Variants in KCNN2 observed in about 807,000 individuals in gnomAD.
KCNN2 encodes the protein small conductance calcium-activated potassium channel protein 2.
In KCNN2, 24 loss-of-function variants were observed where a neutral mutation model predicts 55.5. The observed-to-expected ratio is 0.43, with a 90% CI of 0.31 to 0.61. The LOEUF (loss-of-function observed/expected upper bound fraction) is 0.61. KCNN2 is among the 20% of genes least tolerant of loss of function. The pLI is 0.08. For synonymous variants in KCNN2, 431 were observed against 336.1 expected (o/e 1.28, Z -3.09); for missense variants, 754 against 853.6 (o/e 0.88, Z 1.45).
At chr5:114,261,389 C>T (rs1033539345) in intron 2 of KCNN2, among the ~76,000 whole-genome samples, 17 of 152,134 alleles carry the variant, frequency 1.1e-4, no homozygotes, top group African/African-American at 3.9e-4. Flanking sequence ...CTATTCCTAC[C>T]GCCTACTCAC....
chr5:114,363,917 T>C lies in KCNN2; in HGVS notation c.1134T>C (p.Tyr378=). 6.2e-7 allele frequency: 1 copy of C among 1,613,798 alleles called. No homozygotes were observed. Among genetic ancestry groups the C allele is most frequent in the Non-Finnish European group, 8.5e-7 (1 of 1,179,706 alleles). ...SWGAYDKASL[Y]SLALKCLISL... Reference sequence around the variant, plus strand: ...TGACTGTGTTGCAGGCGTCGCTGTATTCCTTAGCTCTGAAATGCCTTATCA... The same window carrying C: ...TGACTGTGTTGCAGGCGTCGCTGTACTCCTTAGCTCTGAAATGCCTTATCA... Residue 378 remains tyrosine, a synonymous_variant, in exon 2 of 8, where the codon TAT becomes TAC. Transcript: ENST00000673685.
intron 1 of KCNN2, among the ~76,000 whole-genome samples, chr5:114,092,501 T>A (rs1751165586): frequency 6.6e-6 from 1 of 152,164 alleles, no homozygotes; most frequent in Non-Finnish European, 1.5e-5. Flanking sequence ...ACAGTGGCCC[T>A]CTTCTTCTCA....
intron 2 of KCNN2, among the ~76,000 whole-genome samples, chr5:114,311,085 A>T (rs1165334880): frequency 6.6e-6 from 1 of 152,070 alleles, no homozygotes; most frequent in Admixed American, 6.6e-5. Context: ...AGATAAGCTT[A>T]TATTAACATG....
chr5:114,285,872 T>C (rs1378710054), intron 2 of KCNN2, among the ~76,000 whole-genome samples: 4 of 151,162 alleles, frequency 2.6e-5, no homozygotes, highest in African/African-American at 7.3e-5. Flanking sequence ...CAGACAGAAA[T>C]GGATCCAGAT....
intron 3 of KCNN2, among the ~76,000 whole-genome samples, chr5:114,418,194 T>A (rs1759364661): frequency 6.6e-6 from 1 of 152,216 alleles, no homozygotes; most frequent in African/African-American, 2.4e-5. Flanking sequence ...CATTTGCAAG[T>A]AATTAGGGTT....
At chr5:114,397,943 C>G (rs1758669352) in intron 2 of KCNN2, among the ~76,000 whole-genome samples, 1 of 152,086 alleles carries the variant, frequency 6.6e-6, no homozygotes, top group African/African-American at 2.4e-5. Context: ...TTGTCAGAGG[C>G]ATAGTTTGCA....
chr5:114,461,401 C>A (rs2150113528), intron 3 of KCNN2, among the ~76,000 whole-genome samples: 1 of 152,276 alleles, frequency 6.6e-6, no homozygotes, highest in African/African-American at 2.4e-5. Flanking sequence ...GCCACAGAAA[C>A]TTGCAGGATG....
intron 5 of KCNN2, 27 bp from the exon 6 acceptor site, chr5:114,487,023 C>A: frequency 3.7e-6 from 6 of 1,611,584 alleles, no homozygotes; most frequent in Non-Finnish European, 4.2e-6. Flanking sequence ...TGGAATTTAT[C>A]AACTGCTTTG....
intron 2 of KCNN2, among the ~76,000 whole-genome samples, chr5:114,284,067 C>G (rs1755683230): frequency 3.9e-5 from 6 of 152,152 alleles, no homozygotes; most frequent in African/African-American, 1.4e-4. Context: ...GACCTTGAAC[C>G]TCACACCTTT....
intron 1 of KCNN2, among the ~76,000 whole-genome samples, chr5:114,212,006 A>T (rs1369991458): frequency 6.6e-6 from 1 of 151,330 alleles, no homozygotes; most frequent in East Asian, 1.9e-4. Context: ...ATATTTTATT[A>T]TATGAGCATG....
At chr5:114,202,677 C>T (rs1270763204) in intron 1 of KCNN2, among the ~76,000 whole-genome samples, 2 of 150,150 alleles carry the variant, frequency 1.3e-5, no homozygotes, top group Non-Finnish European at 3.0e-5. Flanking sequence ...AGCTCCTCCT[C>T]CCGGGTTCAC....
intron 2 of KCNN2, among the ~76,000 whole-genome samples, chr5:114,287,173 A>G (rs79701828): frequency 0.049 from 7,429 of 152,270 alleles, 220 homozygotes; most frequent in South Asian, 0.068. Flanking sequence ...TGTTCCAACC[A>G]TTGTGGAAGA....
intron 1 of KCNN2, among the ~76,000 whole-genome samples, chr5:114,144,580 A>C (rs914501938): frequency 6.6e-6 from 1 of 152,124 alleles, no homozygotes; most frequent in Non-Finnish European, 1.5e-5. Context: ...CGGGGAGCCA[A>C]ATACCTTCTC....
intron 1 of KCNN2, among the ~76,000 whole-genome samples, chr5:114,130,117 G>A (rs888853439): frequency 1.3e-5 from 2 of 152,162 alleles, no homozygotes; most frequent in Non-Finnish European, 2.9e-5. Context: ...AGAATGCGAA[G>A]CACTTTCTTT....
chr5:114,429,781 T>C (rs943309321), intron 3 of KCNN2, among the ~76,000 whole-genome samples: 7 of 151,678 alleles, frequency 4.6e-5, no homozygotes, highest in African/African-American at 1.7e-4. Context: ...TGGGGGTTTT[T>C]TTGTGGGTAG....
intron 1 of KCNN2, among the ~76,000 whole-genome samples, chr5:114,061,874 A>G (rs767173065): frequency 1.3e-5 from 2 of 152,190 alleles, no homozygotes; most frequent in Non-Finnish European, 2.9e-5. Flanking sequence ...GAACCTTCAG[A>G]TAGCACAGTT....
At chr5:114,352,376 C>A (rs2150040728) in intron 2 of KCNN2, among the ~76,000 whole-genome samples, 1 of 149,516 alleles carries the variant, frequency 6.7e-6, no homozygotes, top group East Asian at 2.0e-4. Context: ...TTTTCAAAAA[C>A]TAATTTTTAT....
chr5:114,175,881 A>C (rs1246837174), intron 1 of KCNN2, among the ~76,000 whole-genome samples: 1 of 152,230 alleles, frequency 6.6e-6, no homozygotes, highest in Non-Finnish European at 1.5e-5. Flanking sequence ...TTCTACATCA[A>C]TTCTGAAATG....
At chr5:114,234,255 C>A (rs1034678188) in intron 2 of KCNN2, among the ~76,000 whole-genome samples, 4 of 152,188 alleles carry the variant, frequency 2.6e-5, no homozygotes, top group Admixed American at 2.6e-4. Flanking sequence ...TTTCATAAGT[C>A]ATATGTATTT....
Sources: gnomAD v4.1 joint callset for allele counts (sites outside exome capture counted in the v4.1 genomes callset) on GRCh38, gnomAD v4.1.1 for gene constraint, MANE v1.5 for transcripts, NCBI Gene and HGNC (gene_info 2026-07-23, HGNC 2026-07-21) for gene names.